Variants in MAMDC2 observed in about 807,000 individuals in gnomAD.
MAMDC2 encodes the protein MAM domain containing 2, also known as MAM domain-containing protein 2.
A neutral mutation model predicts 89.8 loss-of-function variants in MAMDC2; 57 were observed. The ratio of observed to expected loss-of-function variants is 0.63; its 90% confidence interval spans 0.51 to 0.79. The LOEUF is 0.79. MAMDC2 is among the 30% of genes least tolerant of loss of function. The pLI is 0.00. For synonymous variants in MAMDC2, 313 were observed against 293.4 expected (o/e 1.07, Z -0.68); for missense variants, 800 against 820.6 (o/e 0.97, Z 0.31).
At chr9:70,172,673 TCCTG>T (rs1412738893) in intron 11 of MAMDC2, 2 of 152,676 alleles carry the variant, frequency 1.3e-5, no homozygotes. Flanking sequence ...AGTGATGCAC[TCCTG>T]CCTAAGAAGA....
intron 2 of MAMDC2, among the ~76,000 whole-genome samples, chr9:70,068,210 G>T (rs574133616): frequency 6.6e-6 from 1 of 152,098 alleles, no homozygotes; most frequent in South Asian, 2.1e-4. Context: ...ATAGGCAAAG[G>T]GCTATTTTAT....
At chr9:70,087,804 T>C (rs914497058) in intron 2 of MAMDC2, among the ~76,000 whole-genome samples, 16 of 152,188 alleles carry the variant, frequency 1.1e-4, no homozygotes, top group African/African-American at 3.9e-4. Context: ...CAACCCTTAG[T>C]TGGTTTCTGA....
At chr9:70,205,341 C>T (rs2033203199) in intron 11 of MAMDC2, among the ~76,000 whole-genome samples, 2 of 152,140 alleles carry the variant, frequency 1.3e-5, no homozygotes, top group Non-Finnish European at 1.5e-5. Flanking sequence ...TTTATGACAG[C>T]CTTTTAAAAT....
chr9:70,154,638 C>T (rs1340824054), intron 9 of MAMDC2, among the ~76,000 whole-genome samples: 3 of 151,570 alleles, frequency 2.0e-5, no homozygotes, highest in South Asian at 4.2e-4. Flanking sequence ...AGTCCTCCCA[C>T]CTCAGCTTCC....
chr9:70,155,413 CAAAG>C (rs2031724616), intron 9 of MAMDC2, among the ~76,000 whole-genome samples: 1 of 152,182 alleles, frequency 6.6e-6, no homozygotes, highest in Non-Finnish European at 1.5e-5. Flanking sequence ...ATCAATCTGA[CAAAG>C]AAAGTATTAT....
chr9:70,109,943 T>C, intron 4 of MAMDC2, 139 bp downstream of exon 4: 1 of 705,334 alleles, frequency 1.4e-6, no homozygotes, highest in Non-Finnish European at 2.5e-6. Flanking sequence ...TTAAATTCTT[T>C]GCTAGATTCA....
chr9:70,065,891 C>T (rs906163033), intron 2 of MAMDC2, among the ~76,000 whole-genome samples: 2 of 152,096 alleles, frequency 1.3e-5, no homozygotes, highest in African/African-American at 4.8e-5. Flanking sequence ...TAGTGGATGC[C>T]AAATGTTGTT....
intron 2 of MAMDC2, among the ~76,000 whole-genome samples, chr9:70,097,253 C>T (rs9657728): frequency 0.011 from 1,634 of 152,226 alleles, 33 homozygotes; most frequent in African/African-American, 0.037. Flanking sequence ...CTGTAGTTGT[C>T]GGCCAAGCTT....
intron 11 of MAMDC2, among the ~76,000 whole-genome samples, chr9:70,192,851 G>T (rs1231262716): frequency 6.6e-6 from 1 of 152,058 alleles, no homozygotes; most frequent in Admixed American, 6.6e-5. Context: ...ATAGTTGGTT[G>T]AAGGTCAGTG....
intron 2 of MAMDC2, among the ~76,000 whole-genome samples, chr9:70,049,103 G>C (rs138740454): frequency 2.9e-4 from 44 of 152,210 alleles, no homozygotes; most frequent in African/African-American, 1.0e-3. Context: ...TAGGAGTCAG[G>C]GTTTGAGAAA....
chr9:70,109,658 C>T lies in MAMDC2; in HGVS notation c.421-62C>T, dbSNP rs927526683. ...CAGCTCCAGACTAATAGCTGAAATA[C>T]TGAACCAAGGAAACATGATGTTTTG... On this transcript the variant is annotated intron_variant, in intron 3 of 13. Coordinates refer to ENST00000377182, the MANE Select transcript of MAMDC2 (RefSeq NM_153267.5). The T allele has an allele frequency of 2.9e-6, 4 of 1,372,778 alleles. No individual in the cohort carries two copies. The African/African-American group carries it at 4.3e-5, about 15-fold the overall frequency. The allele number at this position is 1,372,778 out of a possible 1,614,324, so 85.0% of individuals were successfully genotyped here. A position where few individuals can be genotyped will look rare whatever the true frequency, so the allele number is the denominator to read the frequency against.
intron 2 of MAMDC2, among the ~76,000 whole-genome samples, chr9:70,067,260 C>T (rs149404294): frequency 6.6e-6 from 1 of 152,264 alleles, no homozygotes; most frequent in African/African-American, 2.4e-5. Flanking sequence ...GAGGGCTGAC[C>T]AGGGGAGGCT....
In MAMDC2 at chr9:70,044,705, G is replaced by A; in HGVS notation, c.148+8G>A. ...GGATTTTAAATGAGGAAGGTAAGGA[G>A]GCTCGGTGGAGAGGGGCGCGAAGTG... On this transcript the variant is annotated splice_region_variant and intron_variant, in intron 2 of 13. Transcript: ENST00000377182. 3.9e-6 allele frequency: 6 copies of A among 1,546,382 alleles called. No homozygotes were observed. Among genetic ancestry groups the A allele is most frequent in the Non-Finnish European group, 5.3e-6 (6 of 1,142,368 alleles).
chr9:70,045,628 G>C (rs1826730334), intron 2 of MAMDC2, among the ~76,000 whole-genome samples: 1 of 152,150 alleles, frequency 6.6e-6, no homozygotes. Context: ...GGGGAGGATG[G>C]AGCCCGGAAC....
intron 7 of MAMDC2, among the ~76,000 whole-genome samples, chr9:70,138,280 T>C (rs2118395027): frequency 1.3e-5 from 2 of 152,360 alleles, no homozygotes; most frequent in South Asian, 4.2e-4. Context: ...TGTATGTACA[T>C]ATGATACTTT....
At chr9:70,113,359 C>A (rs1352708457) in intron 5 of MAMDC2, among the ~76,000 whole-genome samples, 6 of 152,178 alleles carry the variant, frequency 3.9e-5, no homozygotes, top group Non-Finnish European at 7.3e-5. Context: ...AGGGGAAGGC[C>A]ATTCCATTAA....
chr9:70,174,432 G>T (rs2118548988), intron 11 of MAMDC2, among the ~76,000 whole-genome samples: 1 of 152,314 alleles, frequency 6.6e-6, no homozygotes, highest in Non-Finnish European at 1.5e-5. Flanking sequence ...GAGAATGTGG[G>T]TGGAGTTAAC....
intron 11 of MAMDC2, among the ~76,000 whole-genome samples, chr9:70,199,550 A>C (rs369388949): frequency 0.096 from 12,880 of 133,592 alleles, 773 homozygotes; most frequent in East Asian, 0.22. Flanking sequence ...ATTTATAGTC[A>C]TTTGGGTATA....
At chr9:70,072,855 T>C (rs1429767868) in intron 2 of MAMDC2, among the ~76,000 whole-genome samples, 1 of 152,202 alleles carries the variant, frequency 6.6e-6, no homozygotes, top group Non-Finnish European at 1.5e-5. Flanking sequence ...TTTTTTCTTA[T>C]TTGGAGACAG....
Sources: allele counts gnomAD v4.1 joint callset (sites outside exome capture counted in the v4.1 genomes callset), GRCh38; gene constraint gnomAD v4.1.1; transcripts MANE v1.5; gene names NCBI Gene and HGNC (gene_info 2026-07-23, HGNC 2026-07-21).